Variants in IGSF11 observed in about 807,000 individuals in gnomAD.
IGSF11 encodes the protein immunoglobulin superfamily member 11.
IGSF11 carries 22 observed loss-of-function variants against 41.0 expected under a neutral mutation model. The observed-to-expected ratio is 0.54, with a 90% CI of 0.38 to 0.77. IGSF11 has a LOEUF of 0.77. IGSF11 is among the 30% of genes least tolerant of loss of function. The pLI, the probability that IGSF11 is intolerant of heterozygous loss-of-function variation, is 0.00. For missense variants in IGSF11, 444 were observed against 530.8 expected (o/e 0.84, Z 1.61); for synonymous variants, 219 against 201.3 (o/e 1.09, Z -0.74).
intron 1 of IGSF11, among the ~76,000 whole-genome samples, chr3:119,097,919 T>C (rs368918065): frequency 3.4e-5 from 5 of 149,116 alleles, no homozygotes; most frequent in African/African-American, 1.2e-4. Context: ...GCCTCCCAAG[T>C]AGCTAGGACT....
rs138983369 is a variant in IGSF11 at position 119,028,579 on chromosome 3, G to A, written c.52+5952C>T. 4.3e-3 allele frequency among the ~76,000 whole-genome samples: 646 copies of A among 151,890 alleles called. 11 individuals carry two copies. The highest frequency in any genetic ancestry group is 0.015 in the African/African-American group (618 of 41,466). ...TCATTCCTTACAACATGAAGCAAAGGCTTCAGAATTCCTTAGGAAAAAATA... is the reference window on the plus strand; with the variant it reads ...TCATTCCTTACAACATGAAGCAAAGACTTCAGAATTCCTTAGGAAAAAATA... On this transcript the variant is annotated intron_variant, in intron 1 of 6. Coordinates refer to ENST00000393775, the MANE Select transcript of IGSF11 (RefSeq NM_001015887.3).
Position 119,049,079 on chromosome 3 carries a change from A to G in IGSF11, c.49+56065T>C, listed in dbSNP as rs1338854917. On this transcript the variant is annotated intron_variant, in intron 1 of 6. Coordinates refer to the IGSF11 transcript ENST00000354673. Reference sequence around the variant, plus strand: ...AAAAACTGGAAGCATTCCCTTTGAAAACTGGCACAAGACAGGGATGCCCTC... The same window carrying G: ...AAAAACTGGAAGCATTCCCTTTGAAGACTGGCACAAGACAGGGATGCCCTC... Among the ~76,000 whole-genome samples the G allele has an allele frequency of 4.0e-5, 6 of 151,772 alleles. No individual in the cohort carries two copies. In the East Asian group the frequency reaches 1.2e-3, roughly 29 times the overall value.
intron 1 of IGSF11, among the ~76,000 whole-genome samples, chr3:119,123,847 C>T (rs1163895435): frequency 6.6e-6 from 1 of 152,158 alleles, no homozygotes; most frequent in South Asian, 2.1e-4. Context: ...GGTCATAGTA[C>T]CCAAATCCTT....
intron 1 of IGSF11, among the ~76,000 whole-genome samples, chr3:119,093,538 T>G (rs758027813): frequency 6.6e-6 from 1 of 152,210 alleles, no homozygotes; most frequent in Non-Finnish European, 1.5e-5. Context: ...CGAGGTATCT[T>G]CAACGTCAAT....
intron 1 of IGSF11, among the ~76,000 whole-genome samples, chr3:118,997,829 GC>G (rs1936423132): frequency 6.6e-6 from 1 of 152,114 alleles, no homozygotes; most frequent in Non-Finnish European, 1.5e-5. Context: ...GTAATTTATT[GC>G]AGATTTCCTA....
intron 1 of IGSF11, among the ~76,000 whole-genome samples, chr3:118,942,373 C>T (rs561902588): frequency 3.9e-5 from 6 of 152,320 alleles, no homozygotes; most frequent in African/African-American, 1.4e-4. Context: ...AACCCTACAA[C>T]ACTACCATCC....
At chr3:119,080,041 AG>A (rs1425001729) in intron 1 of IGSF11, among the ~76,000 whole-genome samples, 1 of 152,196 alleles carries the variant, frequency 6.6e-6, no homozygotes, top group East Asian at 1.9e-4. Flanking sequence ...CTAAAATAAA[AG>A]TTGGAAGGAA....
At chr3:119,056,314 T>C (rs1217224202) in intron 1 of IGSF11, among the ~76,000 whole-genome samples, 3 of 152,100 alleles carry the variant, frequency 2.0e-5, no homozygotes, top group South Asian at 2.1e-4. Flanking sequence ...CACAGAAATA[T>C]AAACTACCAT....
chr3:119,056,473 A>C (rs1227089203), intron 1 of IGSF11, among the ~76,000 whole-genome samples: 1 of 152,244 alleles, frequency 6.6e-6, no homozygotes, highest in Non-Finnish European at 1.5e-5. Context: ...AATTGAGGCA[A>C]TAATTAATAG....
chr3:119,099,385 G>A (rs1334519816), intron 1 of IGSF11, among the ~76,000 whole-genome samples: 1 of 152,168 alleles, frequency 6.6e-6, no homozygotes, highest in African/African-American at 2.4e-5. Flanking sequence ...ATACCACTAA[G>A]TAGAATGGAA....
At chr3:119,042,875 A>C (rs986207287) in intron 1 of IGSF11, among the ~76,000 whole-genome samples, 4 of 152,110 alleles carry the variant, frequency 2.6e-5, no homozygotes, top group African/African-American at 9.7e-5. Flanking sequence ...CATTACAGCA[A>C]CTCATAACAG....
chr3:119,032,439 T>C (rs190472633), intron 1 of IGSF11, among the ~76,000 whole-genome samples: 33 of 152,278 alleles, frequency 2.2e-4, no homozygotes, highest in Middle Eastern at 3.4e-3. Context: ...CGCCCCACAG[T>C]AAGGAAACTG....
At chr3:119,029,175 C>CAG (rs1553716745) in intron 1 of IGSF11, among the ~76,000 whole-genome samples, 20 of 125,198 alleles carry the variant, frequency 1.6e-4, no homozygotes, top group Admixed American at 1.0e-3. Context: ...GGGGATAATA[C>CAG]ACACACACAC....
At chr3:119,001,806 A>C (rs1309784883) in intron 1 of IGSF11, among the ~76,000 whole-genome samples, 7 of 143,958 alleles carry the variant, frequency 4.9e-5, no homozygotes, top group African/African-American at 1.1e-4. Context: ...TGAACTCATC[A>C]TTTTTTATGG....
intron 1 of IGSF11, among the ~76,000 whole-genome samples, chr3:118,979,530 C>T (rs952595379): frequency 3.9e-5 from 6 of 152,012 alleles, no homozygotes; most frequent in Non-Finnish European, 7.4e-5. Context: ...AAAATCAACT[C>T]AAGATGGATT....
intron 1 of IGSF11, among the ~76,000 whole-genome samples, chr3:119,023,197 A>T (rs1471821984): frequency 7.7e-6 from 1 of 129,040 alleles, no homozygotes; most frequent in Non-Finnish European, 1.6e-5. Context: ...TGGGAGGCGG[A>T]GGTTGCAGTG....
upstream of IGSF11, among the ~76,000 whole-genome samples, chr3:119,036,966 A>G (rs860868): frequency 0.8 from 121,587 of 152,158 alleles, 48,855 homozygotes; most frequent in African/African-American, 0.89. Context: ...GAGAAGCATG[A>G]GGGCAGATGG....
chr3:119,110,501 C>T (rs187685254), intron 1 of IGSF11, among the ~76,000 whole-genome samples: 3 of 151,946 alleles, frequency 2.0e-5, no homozygotes, highest in Admixed American at 2.0e-4. Flanking sequence ...CGTGAGATGG[C>T]TTTCCTGAAT....
At chr3:119,055,060 G>A (rs962191440) in intron 1 of IGSF11, among the ~76,000 whole-genome samples, 1 of 152,168 alleles carries the variant, frequency 6.6e-6, no homozygotes, top group Non-Finnish European at 1.5e-5. Context: ...TGATACCCAG[G>A]CAAACAGGGT....
Sources: allele counts gnomAD v4.1 joint callset (sites outside exome capture counted in the v4.1 genomes callset), GRCh38; gene constraint gnomAD v4.1.1; transcripts MANE v1.5; gene names NCBI Gene and HGNC (gene_info 2026-07-23, HGNC 2026-07-21).